The following PINX1 variants were observed in gnomAD, a reference collection of about 807,000 sequenced individuals.
PINX1 encodes the protein PIN2 (TERF1) interacting telomerase inhibitor 1.
In PINX1, 34 loss-of-function variants were observed where a neutral mutation model predicts 25.4. The ratio of observed to expected loss-of-function variants is 1.34; its 90% CI spans 1.02 to 1.78. The LOEUF is 1.78. Ranked by LOEUF, PINX1 falls within the 40% of genes most tolerant of loss-of-function variation. The pLI is 0.00. For synonymous variants in PINX1, 197 were observed against 147.7 expected (o/e 1.33, Z -2.42); for missense variants, 592 against 404.9 (o/e 1.46, Z -3.97).
At chr8:10,826,823 G>C (rs988711673) in intron 4 of PINX1, among the ~76,000 whole-genome samples, 6 of 152,232 alleles carry the variant, frequency 3.9e-5, no homozygotes, top group African/African-American at 1.2e-4. Flanking sequence ...CAGATGAATG[G>C]TTTCGAGGGG....
chr8:10,814,997 T>C (rs904522089), intron 6 of PINX1, among the ~76,000 whole-genome samples: 5 of 152,222 alleles, frequency 3.3e-5, no homozygotes, highest in Non-Finnish European at 5.9e-5. Context: ...TGGAGTGCGA[T>C]GGCGTGATGA....
At chr8:10,825,003 T>A (rs1486917597) in intron 5 of PINX1, among the ~76,000 whole-genome samples, 1 of 151,348 alleles carries the variant, frequency 6.6e-6, no homozygotes, top group Non-Finnish European at 1.5e-5. Flanking sequence ...GCCAAGAAAG[T>A]TCCATGTGAG....
At chr8:10,806,748 G>A (rs533592776) in intron 6 of PINX1, among the ~76,000 whole-genome samples, 5 of 152,220 alleles carry the variant, frequency 3.3e-5, no homozygotes, top group East Asian at 1.9e-4. Flanking sequence ...AGGCTCTGCC[G>A]GCAGGCCCTA....
chr8:10,839,808 T>G lies in PINX1; in HGVS notation c.-52A>C. 6.4e-7 allele frequency: 1 copy of G among 1,567,132 alleles called. No individual in the cohort carries two copies. The highest frequency in any genetic ancestry group is 2.3e-5 in the East Asian group (1 of 42,906). On this transcript the variant is annotated 5_prime_UTR_variant, in exon 1 of 7. Coordinates refer to ENST00000314787, the MANE Select transcript of PINX1 (RefSeq NM_017884.6). ...TCTGGACCTGGGTGACTGCGGCCAC[T>G]GGGCGGGCTGGAGACTCCAGGAGAA...
At chr8:10,775,501 AAGTT>A (rs1406886371) in intron 6 of PINX1, among the ~76,000 whole-genome samples, 1 of 150,914 alleles carries the variant, frequency 6.6e-6, no homozygotes, top group Admixed American at 6.6e-5. Context: ...AAAGTTAAAA[AAGTT>A]AGCAGAAAAA....
intron 6 of PINX1, among the ~76,000 whole-genome samples, chr8:10,805,497 G>GA (rs1802415516): frequency 1.3e-5 from 2 of 151,994 alleles, no homozygotes; most frequent in Admixed American, 1.3e-4. Flanking sequence ...AGTGCTGAGT[G>GA]GGTGACAGAG....
chr8:10,823,876 A>T (rs1389879531), intron 5 of PINX1, among the ~76,000 whole-genome samples: 1 of 152,188 alleles, frequency 6.6e-6, no homozygotes, highest in African/African-American at 2.4e-5. Flanking sequence ...GCAGTAGCAA[A>T]TTTTACAACA....
In PINX1 at chr8:10,805,154, G is replaced by GT. The variant is rs1446531389; in HGVS notation, c.471+15038_471+15039insA. ...GCAGAACACCTCACATTCTTTCTGT[G>GT]GGAAAGGAAAATGGAGCCAGGGGCA... is the stretch of plus-strand genomic sequence containing the variant. On this transcript the variant is annotated intron_variant, in intron 6 of 6. Coordinates refer to ENST00000314787, the MANE Select transcript of PINX1 (RefSeq NM_017884.6). Among the ~76,000 whole-genome samples, 3 of 152,322 alleles carry GT rather than the reference G, an allele frequency of 2.0e-5. No homozygotes were observed. In the East Asian group the frequency reaches 5.8e-4, roughly 29 times the overall value.
chr8:10,831,636 T>A, intron 4 of PINX1, 29 bp downstream of exon 4: 1 of 1,400,362 alleles, frequency 7.1e-7, no homozygotes, highest in Non-Finnish European at 1.0e-6. Flanking sequence ...ATATTTGCAT[T>A]GAGAACTTAT....
At chr8:10,816,261 T>G (rs1352928069) in intron 6 of PINX1, among the ~76,000 whole-genome samples, 2 of 152,234 alleles carry the variant, frequency 1.3e-5, no homozygotes, top group Non-Finnish European at 1.5e-5. Context: ...TTACGTAAGA[T>G]GTAACCACTG....
At chr8:10,799,568 T>C (rs1586167021) in intron 6 of PINX1, among the ~76,000 whole-genome samples, 2 of 152,300 alleles carry the variant, frequency 1.3e-5, no homozygotes, top group East Asian at 3.9e-4. Flanking sequence ...AATGGACAGG[T>C]GAGCGGCCTG....
At chr8:10,829,196 G>T (rs542438656) in intron 4 of PINX1, among the ~76,000 whole-genome samples, 20 of 148,898 alleles carry the variant, frequency 1.3e-4, no homozygotes, top group Middle Eastern at 6.9e-3. Context: ...TGAGGCAGGA[G>T]AATCGCTTGA....
Position 10,765,922 on chromosome 8 carries a change from G to A in PINX1, c.472-6C>T, listed in dbSNP as rs772690334. On this transcript the variant is annotated splice_region_variant and splice_polypyrimidine_tract_variant and intron_variant, in intron 6 of 6. Transcript: ENST00000314787. ...GTGGAGGGACTGGCATCGCCCTATG[G>A]TGGGCAGAAGAGTTAAAAGGCAGGT... 4 of 1,610,842 alleles carry A rather than the reference G, an allele frequency of 2.5e-6. No individual in the cohort carries two copies. The Admixed American group carries it at 5.0e-5, about 20-fold the overall frequency.
intron 6 of PINX1, among the ~76,000 whole-genome samples, chr8:10,801,192 A>G (rs2129079814): frequency 6.6e-6 from 1 of 152,316 alleles, no homozygotes; most frequent in Middle Eastern, 3.4e-3. Context: ...TATCCTGCAG[A>G]AAGGGAAGGA....
intron 6 of PINX1, among the ~76,000 whole-genome samples, chr8:10,801,031 G>A (rs1005589401): frequency 6.6e-6 from 1 of 152,098 alleles, no homozygotes; most frequent in African/African-American, 2.4e-5. Context: ...CTTAATAGAT[G>A]GATAATGGAG....
chr8:10,789,175 G>C (rs776223870), intron 6 of PINX1, among the ~76,000 whole-genome samples: 1 of 152,168 alleles, frequency 6.6e-6, no homozygotes, highest in African/African-American at 2.4e-5. Flanking sequence ...CTTCTCCAAG[G>C]CTGACGGTAA....
chr8:10,838,046 G>T (rs750899489), intron 1 of PINX1, among the ~76,000 whole-genome samples: 2 of 152,322 alleles, frequency 1.3e-5, no homozygotes, highest in Non-Finnish European at 2.9e-5. Context: ...AGGCAAATCA[G>T]AGCGGTAACC....
chr8:10,769,426 TACC>T (rs1801157312), intron 6 of PINX1, among the ~76,000 whole-genome samples: 1 of 152,218 alleles, frequency 6.6e-6, no homozygotes. Flanking sequence ...CCTTAATTTC[TACC>T]CAATCAATAA....
chr8:10,812,554 G>A (rs1410997142), intron 6 of PINX1, among the ~76,000 whole-genome samples: 2 of 152,174 alleles, frequency 1.3e-5, no homozygotes, highest in Non-Finnish European at 2.9e-5. Context: ...ACCTTTCGAT[G>A]AATTTCATCA....
Sources: gnomAD v4.1 joint callset for allele counts (sites outside exome capture counted in the v4.1 genomes callset) on GRCh38, gnomAD v4.1.1 for gene constraint, MANE v1.5 for transcripts, NCBI Gene and HGNC (gene_info 2026-07-23, HGNC 2026-07-21) for gene names.